COL24A1: variants seen among roughly 807,000 people sequenced by gnomAD.
COL24A1 encodes collagen type XXIV alpha 1 chain.
Under a neutral mutation model 253.9 loss-of-function variants are expected in COL24A1, and 224 were observed. That is an observed-to-expected ratio of 0.88 (90% CI 0.79 to 0.99). The LOEUF (loss-of-function observed/expected upper bound fraction) is 0.99. Ranked by LOEUF, COL24A1 falls within the 50% of genes least tolerant of loss-of-function variation. The pLI, the probability that COL24A1 is intolerant of heterozygous loss-of-function variation, is 0.00. For missense variants in COL24A1, 2,131 were observed against 2,068.5 expected (o/e 1.03, Z -0.59); for synonymous variants, 685 against 673.7 (o/e 1.02, Z -0.26).
intron 5 of COL24A1, among the ~76,000 whole-genome samples, chr1:86,103,709 C>A (rs1415413500): frequency 2.0e-5 from 3 of 152,154 alleles, no homozygotes; most frequent in Non-Finnish European, 4.4e-5. Context: ...AATATTGGCC[C>A]CCAGTCTCTT....
intron 10 of COL24A1, among the ~76,000 whole-genome samples, chr1:86,056,879 A>AAAC (rs896188739): frequency 1.3e-5 from 2 of 151,970 alleles, no homozygotes; most frequent in African/African-American, 4.8e-5. Flanking sequence ...CACAAAACAA[A>AAAC]AACAACAACA....
intron 12 of COL24A1, among the ~76,000 whole-genome samples, chr1:86,041,187 G>T (rs536578847): frequency 5.2e-4 from 79 of 152,194 alleles, no homozygotes; most frequent in Non-Finnish European, 1.0e-3. Context: ...ACCATTCTAG[G>T]CTGTGATATT....
intron 42 of COL24A1, among the ~76,000 whole-genome samples, chr1:85,840,713 T>C (rs532707934): frequency 6.6e-6 from 1 of 152,276 alleles, no homozygotes; most frequent in Non-Finnish European, 1.5e-5. Flanking sequence ...ACCATGGTTA[T>C]AGTTAACCCT....
chr1:85,832,765 C>T (rs12061943), intron 43 of COL24A1, among the ~76,000 whole-genome samples: 62,896 of 147,860 alleles, frequency 0.43, 14,433 homozygotes, highest in African/African-American at 0.52. Context: ...GTGATTTTTG[C>T]ACATTGATTT....
intron 5 of COL24A1, among the ~76,000 whole-genome samples, chr1:86,104,674 C>T (rs1329484140): frequency 6.6e-6 from 1 of 152,200 alleles, no homozygotes; most frequent in East Asian, 1.9e-4. Context: ...TCCTGGACTA[C>T]ATGCTCTAAC....
intron 12 of COL24A1, among the ~76,000 whole-genome samples, chr1:86,043,978 T>C (rs1028130354): frequency 1.5e-4 from 23 of 152,218 alleles, no homozygotes; most frequent in African/African-American, 5.5e-4. Flanking sequence ...ATCTACTTCA[T>C]AGTAGCCTGG....
intron 24 of COL24A1, among the ~76,000 whole-genome samples, chr1:85,948,490 C>G (rs562851096): frequency 7.5e-6 from 1 of 133,298 alleles, no homozygotes; most frequent in Non-Finnish European, 1.5e-5. Context: ...CGCCACTGCA[C>G]TCCAGCCTGG....
At chr1:85,962,388 A>C in intron 23 of COL24A1, among the ~76,000 whole-genome samples, 1 of 152,196 alleles carries the variant, frequency 6.6e-6, no homozygotes, top group East Asian at 1.9e-4. Flanking sequence ...GTTCTGAATA[A>C]GGCCATTTAT....
chr1:85,808,981 C>G (rs984918764), intron 47 of COL24A1, among the ~76,000 whole-genome samples: 13 of 152,160 alleles, frequency 8.5e-5, no homozygotes, highest in Non-Finnish European at 1.8e-4. Context: ...TCCTTGTGTG[C>G]TGAGTCTCCC....
At chr1:86,100,876 CT>C (rs1265597147) in intron 5 of COL24A1, among the ~76,000 whole-genome samples, 1 of 152,058 alleles carries the variant, frequency 6.6e-6, no homozygotes, top group Non-Finnish European at 1.5e-5. Flanking sequence ...AATTCTTTGC[CT>C]TATGTCTCTC....
At chr1:86,047,154 A>G (rs1699970617) in intron 11 of COL24A1, among the ~76,000 whole-genome samples, 1 of 152,162 alleles carries the variant, frequency 6.6e-6, no homozygotes. Flanking sequence ...AGAGACAGGC[A>G]TATTACCAAA....
At chr1:86,081,440 A>AT (rs2101906561) in intron 7 of COL24A1, among the ~76,000 whole-genome samples, 1 of 152,276 alleles carries the variant, frequency 6.6e-6, no homozygotes, top group Admixed American at 6.5e-5. Context: ...AGAATCTTAA[A>AT]TGTCAGCAGT....
intron 43 of COL24A1, among the ~76,000 whole-genome samples, chr1:85,824,223 C>T (rs942167013): frequency 2.0e-5 from 3 of 152,054 alleles, no homozygotes; most frequent in East Asian, 1.9e-4. Flanking sequence ...TGGAGAGATG[C>T]GGTCATAGGA....
chr1:86,028,470 T>C (rs1157404887), intron 14 of COL24A1, among the ~76,000 whole-genome samples: 1 of 150,640 alleles, frequency 6.6e-6, no homozygotes, highest in Admixed American at 6.6e-5. Flanking sequence ...TTTATAAGCA[T>C]CTGGCATTTC....
At chr1:86,008,295 A>G (rs547788199) in intron 19 of COL24A1, among the ~76,000 whole-genome samples, 12 of 152,116 alleles carry the variant, frequency 7.9e-5, no homozygotes, top group Middle Eastern at 3.4e-3. Flanking sequence ...CCCAGGCTGG[A>G]GTGCAGTGGT....
intron 3 of COL24A1, among the ~76,000 whole-genome samples, chr1:86,120,046 A>C (rs955536571): frequency 6.6e-6 from 1 of 152,212 alleles, no homozygotes; most frequent in African/African-American, 2.4e-5. Flanking sequence ...TGGAGAAAGG[A>C]TTCCCTATTT....
At chr1:86,146,916 C>T (rs1249462557) in intron 1 of COL24A1, among the ~76,000 whole-genome samples, 1 of 152,038 alleles carries the variant, frequency 6.6e-6, no homozygotes, top group Non-Finnish European at 1.5e-5. Flanking sequence ...TTTTGTTGAA[C>T]ATTCTTCATA....
intron 12 of COL24A1, among the ~76,000 whole-genome samples, chr1:86,038,501 C>T (rs891920073): frequency 4.6e-5 from 7 of 152,018 alleles, no homozygotes; most frequent in Admixed American, 2.0e-4. Flanking sequence ...TCTCTGAAGC[C>T]TAAACATTAT....
chr1:86,059,926 G>A (rs1373163743), intron 8 of COL24A1, among the ~76,000 whole-genome samples: 2 of 152,062 alleles, frequency 1.3e-5, no homozygotes, highest in African/African-American at 4.8e-5. Flanking sequence ...GAACCTAACC[G>A]GGCTGGCATG....
Sources: gnomAD v4.1 joint callset for allele counts (sites outside exome capture counted in the v4.1 genomes callset) on GRCh38, gnomAD v4.1.1 for gene constraint, MANE v1.5 for transcripts, NCBI Gene and HGNC (gene_info 2026-07-23, HGNC 2026-07-21) for gene names.